The following ZFPM2 variants were observed in gnomAD, a reference collection of about 807,000 sequenced individuals.
ZFPM2 encodes the protein zinc finger protein, FOG family member 2.
ZFPM2 carries 20 observed loss-of-function variants against 98.6 expected under a neutral mutation model. The observed-to-expected ratio is 0.20, with a 90% confidence interval of 0.14 to 0.29. ZFPM2 has a LOEUF of 0.29. Ranked by LOEUF, ZFPM2 falls within the 10% of genes least tolerant of loss-of-function variation. The pLI is 1.00. For synonymous variants in ZFPM2, 518 were observed against 502.7 expected (o/e 1.03, Z -0.41); for missense variants, 1,310 against 1,388.6 (o/e 0.94, Z 0.90).
chr8:105,445,181 C>A (rs555073839), intron 3 of ZFPM2, among the ~76,000 whole-genome samples: 1 of 152,162 alleles, frequency 6.6e-6, no homozygotes, highest in Non-Finnish European at 1.5e-5. Flanking sequence ...CATGACTTTG[C>A]AAATTGCTCT....
At chr8:105,399,680 T>G (rs1263333787) in intron 1 of ZFPM2, among the ~76,000 whole-genome samples, 1 of 150,450 alleles carries the variant, frequency 6.6e-6, no homozygotes, top group East Asian at 1.9e-4. Context: ...TTAAATTATT[T>G]GCCGAATACA....
intron 2 of ZFPM2, among the ~76,000 whole-genome samples, chr8:105,440,896 A>C (rs1406708456): frequency 1.3e-5 from 2 of 152,174 alleles, no homozygotes; most frequent in Non-Finnish European, 2.9e-5. Flanking sequence ...TCACGCCTGT[A>C]ATCCCAGCAC....
chr8:105,492,677 A>G (rs929500762), intron 3 of ZFPM2, among the ~76,000 whole-genome samples: 1 of 152,170 alleles, frequency 6.6e-6, no homozygotes, highest in African/African-American at 2.4e-5. Flanking sequence ...TATTCATTTA[A>G]TAGAGGTTTT....
chr8:105,595,387 T>A (rs543145342), intron 4 of ZFPM2, among the ~76,000 whole-genome samples: 1 of 152,176 alleles, frequency 6.6e-6, no homozygotes, highest in South Asian at 2.1e-4. Flanking sequence ...CCAAAAGAGC[T>A]GGACCAGATG....
chr8:105,548,883 A>G (rs1814776813), intron 3 of ZFPM2, among the ~76,000 whole-genome samples: 1 of 152,220 alleles, frequency 6.6e-6, no homozygotes, highest in Admixed American at 6.5e-5. Context: ...AGTATTCAGC[A>G]TTGTGACTGG....
intron 4 of ZFPM2, among the ~76,000 whole-genome samples, chr8:105,571,395 C>T (rs1815351664): frequency 1.3e-5 from 2 of 152,172 alleles, no homozygotes; most frequent in Non-Finnish European, 1.5e-5. Flanking sequence ...GTTTTTGTAA[C>T]ACAAATTCTA....
At chr8:105,355,654 T>G (rs534544384) in intron 1 of ZFPM2, among the ~76,000 whole-genome samples, 3 of 152,308 alleles carry the variant, frequency 2.0e-5, no homozygotes, top group Admixed American at 2.0e-4. Context: ...TTCCCTCTGT[T>G]GGATGGAAAA....
chr8:105,763,909 G>A (rs1812795427), intron 5 of ZFPM2, among the ~76,000 whole-genome samples: 1 of 151,752 alleles, frequency 6.6e-6, no homozygotes, highest in African/African-American at 2.4e-5. Context: ...AACATGTAGA[G>A]CCTACCTACC....
chr8:105,497,667 A>G (rs1006944890), intron 3 of ZFPM2, among the ~76,000 whole-genome samples: 2 of 152,144 alleles, frequency 1.3e-5, no homozygotes, highest in African/African-American at 4.8e-5. Flanking sequence ...TCATAATTGC[A>G]GAACACTTTG....
At chr8:105,724,620 G>A (rs1586221643) in intron 5 of ZFPM2, among the ~76,000 whole-genome samples, 1 of 151,924 alleles carries the variant, frequency 6.6e-6, no homozygotes, top group East Asian at 1.9e-4. Flanking sequence ...ATAGCAATAG[G>A]AAGTGGAAAC....
chr8:105,702,716 A>ACCT (rs1389103793), intron 5 of ZFPM2, among the ~76,000 whole-genome samples: 1 of 152,200 alleles, frequency 6.6e-6, no homozygotes, highest in Non-Finnish European at 1.5e-5. Context: ...TCAGTGCCCC[A>ACCT]CCTATTTGCC....
chr8:105,716,821 A>G (rs1481150266), intron 5 of ZFPM2, among the ~76,000 whole-genome samples: 1 of 152,022 alleles, frequency 6.6e-6, no homozygotes, highest in Non-Finnish European at 1.5e-5. Flanking sequence ...GTACAGCACA[A>G]CAGGGTAGTC....
At chr8:105,794,235 T>C (rs1813718996) in intron 6 of ZFPM2, among the ~76,000 whole-genome samples, 1 of 152,166 alleles carries the variant, frequency 6.6e-6, no homozygotes, top group Non-Finnish European at 1.5e-5. Context: ...ATGATGGTGA[T>C]GTACAGATGG....
At chr8:105,599,782 C>T (rs1816053294) in intron 4 of ZFPM2, among the ~76,000 whole-genome samples, 1 of 152,046 alleles carries the variant, frequency 6.6e-6, no homozygotes, top group Non-Finnish European at 1.5e-5. Flanking sequence ...TTTAGCCTCA[C>T]AGTAATAAAA....
At position 105,443,312 on chromosome 8, in the gene ZFPM2, C is replaced by CAAA. The variant is rs1491232192; in HGVS notation, c.200-964_200-962dup. Among the ~76,000 whole-genome samples the CAAA allele has an allele frequency of 5.8e-4, 67 of 115,336 alleles. 8 individuals are homozygous for CAAA. The highest frequency in any genetic ancestry group is 2.4e-3 in the African/African-American group (58 of 24,296). 75.7% of individuals were successfully genotyped at this position (115,336 alleles called of 152,430 possible). A position where few individuals can be genotyped will look rare whatever the true frequency, so the allele number is the denominator to read the frequency against. ...TGACAGAGCGAGTAAGACTCCTTCT[C>CAAA]AAAAAACAAAAAACAAAAAAAAAAA... On this transcript the variant is annotated intron_variant, in intron 2 of 7. Transcript: ENST00000407775.
At chr8:105,710,137 A>G (rs1007046357) in intron 5 of ZFPM2, among the ~76,000 whole-genome samples, 2 of 152,060 alleles carry the variant, frequency 1.3e-5, no homozygotes, top group Non-Finnish European at 2.9e-5. Context: ...AACTGAGATA[A>G]AAAAAACTTT....
chr8:105,550,790 T>G (rs1814834017), intron 3 of ZFPM2, among the ~76,000 whole-genome samples: 1 of 152,120 alleles, frequency 6.6e-6, no homozygotes, highest in Non-Finnish European at 1.5e-5. Flanking sequence ...AAAACACTAA[T>G]GATGGGTACT....
At chr8:105,433,279 T>C (rs2130152559) in intron 2 of ZFPM2, among the ~76,000 whole-genome samples, 1 of 152,298 alleles carries the variant, frequency 6.6e-6, no homozygotes, top group African/African-American at 2.4e-5. Flanking sequence ...AACTTAAACT[T>C]TGAGAAAAAC....
rs905159738 is a variant in ZFPM2 at position 105,321,599 on chromosome 8, G to GT, written c.40+2628dup. The stretch of plus-strand genomic sequence containing the variant: ...AAGGACAAAAAGGTTGTTGGGCACA[G>GT]TTTTTTTTTTCTTTTACTGCATACA... On this transcript the variant is annotated intron_variant, in intron 1 of 7. Coordinates refer to ENST00000407775, the MANE Select transcript of ZFPM2 (RefSeq NM_012082.4). Among the ~76,000 whole-genome samples the GT allele has an allele frequency of 2.5e-3, 371 of 149,778 alleles. 2 individuals carry two copies. The highest frequency in any genetic ancestry group is 3.5e-3 in the Non-Finnish European group (234 of 67,302).
Sources: allele counts gnomAD v4.1 joint callset (sites outside exome capture counted in the v4.1 genomes callset), GRCh38; gene constraint gnomAD v4.1.1; transcripts MANE v1.5; gene names NCBI Gene and HGNC (gene_info 2026-07-23, HGNC 2026-07-21).